CILP: variants seen among roughly 807,000 people sequenced by gnomAD.
The protein encoded by CILP is cartilage intermediate layer protein, also known as cartilage intermediate layer protein 1.
In CILP, 75 loss-of-function variants were observed where a neutral mutation model predicts 82.5. The observed-to-expected ratio is 0.91, with a 90% confidence interval of 0.75 to 1.10. The LOEUF (loss-of-function observed/expected upper bound fraction) is 1.10. CILP is among the 50% of genes least tolerant of loss of function. The pLI is 0.00. For synonymous variants in CILP, 530 were observed against 580.3 expected, an observed-to-expected ratio of 0.91 and a Z score of 1.25; for missense variants, 1,479 against 1,530.8, an observed-to-expected ratio of 0.97 and a Z score of 0.56.
chr15:65,198,760 T>A lies in CILP; in HGVS notation c.1526A>T (p.His509Leu), dbSNP rs2088413289. Residue 509 changes from histidine (H) to leucine (L), a missense_variant, in exon 9 of 9, where the codon CAT (histidine) becomes CTT (leucine). Physicochemically the swap from His to Leu is moderately conservative, Grantham distance 99. Transcript: ENST00000261883. ...ADNGEPMRFG[H>L]VYMGNSRVSM... The stretch of plus-strand genomic sequence containing the variant: ...TACACGGCTGTTCCCCATGTACACA[T>A]GGCCAAAGCGCATGGGCTCCCCATT... 5.0e-6 allele frequency: 8 copies of A among 1,614,072 alleles called. No homozygotes were observed. The highest frequency in any genetic ancestry group is 1.3e-5 in the African/African-American group (1 of 74,924).
Position 65,204,413 on chromosome 15 carries a change from ACTGT to A in CILP, c.770_773del (p.Asp257ValfsTer18), listed in dbSNP as rs761152458. On this transcript the variant is annotated frameshift_variant, in exon 6 of 9. Transcript: ENST00000261883. LOFTEE classifies it high-confidence loss of function. Reference sequence around the variant, plus strand: ...AGCCAGGGATTCGGAATCTCCCATCACTGTCTGTCTGGGTCAGCAGCTTCGGCGT... The same window carrying A: ...AGCCAGGGATTCGGAATCTCCCATCACTGTCTGGGTCAGCAGCTTCGGCGT... The A allele has an allele frequency of 3.1e-6, 5 of 1,614,000 alleles. No homozygotes were observed. The highest frequency in any genetic ancestry group is 1.7e-5 in the Admixed American group (1 of 59,986).
Position 65,204,421 on chromosome 15 carries a change from T to C in CILP, c.766A>G (p.Thr256Ala). The change falls in exon 6 of 9, where the codon ACA becomes GCA. Residue 256 changes from threonine (T) to alanine (A), a missense_variant. Transcript: ENST00000261883. ...ATTCGGAATCTCCCATCACTGTCTG[T>C]CTGGGTCAGCAGCTTCGGCGTCTTG... ...LTKTPKLLTQ[T>A]DSDGRFRIPG... is the part of the protein sequence containing the mutation. The C allele has an allele frequency of 6.2e-7, 1 of 1,614,164 alleles. No individual in the cohort carries two copies. Among genetic ancestry groups the C allele is most frequent in the Non-Finnish European group, 8.5e-7 (1 of 1,180,022 alleles).
In CILP at chr15:65,205,586, T is replaced by A. The variant is rs149987880; in HGVS notation, c.425-120A>T. On this transcript the variant is annotated intron_variant, in intron 4 of 8. Coordinates refer to ENST00000261883, the MANE Select transcript of CILP (RefSeq NM_003613.4). ...AAGGTTTCCATTTATGTCGTAGATGTCACTGATATTTATATTTACTGCAGT... is the reference window on the plus strand; with the variant it reads ...AAGGTTTCCATTTATGTCGTAGATGACACTGATATTTATATTTACTGCAGT... The A allele has an allele frequency of 9.7e-5, 95 of 978,804 alleles. No individual in the cohort carries two copies. The African/African-American group carries it at 1.5e-3, about 15-fold the overall frequency. 60.6% of individuals were successfully genotyped at this position (978,804 alleles called of 1,614,324 possible). A position where few individuals can be genotyped will look rare whatever the true frequency, so the allele number is the denominator to read the frequency against.
intron 7 of CILP, among the ~76,000 whole-genome samples, chr15:65,203,125 C>T (rs576623340): frequency 6.6e-6 from 1 of 152,314 alleles, no homozygotes; most frequent in South Asian, 2.1e-4. Flanking sequence ...GCGTGAGCTA[C>T]TGTGCCCGGC....
At chr15:65,210,857 CAG>C (rs1225072434) in intron 1 of CILP, among the ~76,000 whole-genome samples, 1 of 152,198 alleles carries the variant, frequency 6.6e-6, no homozygotes, top group Non-Finnish European at 1.5e-5. Flanking sequence ...GATGAGGGAG[CAG>C]AGTCACCAGG....
At chr15:65,206,072 A>C (rs2088514785) in intron 4 of CILP, among the ~76,000 whole-genome samples, 1 of 152,154 alleles carries the variant, frequency 6.6e-6, no homozygotes. Flanking sequence ...TAACATCTGT[A>C]TTATCCATGG....
At position 65,201,967 on chromosome 15, in the gene CILP, C is replaced by G. The variant is rs375170690; in HGVS notation, c.1091G>C (p.Arg364Thr). 1.9e-6 allele frequency: 3 copies of G among 1,606,688 alleles called. No individual in the cohort carries two copies. The highest frequency in any genetic ancestry group is 2.5e-6 in the Non-Finnish European group (3 of 1,176,952). ...LYKHESKLVLRKLQQHQAGEY... is the reference protein window; with the variant it reads ...LYKHESKLVLTKLQQHQAGEY... The stretch of plus-strand genomic sequence containing the variant: ...CCCAGCCTGGTGCTGCTGCAGTTTC[C>G]TCAGCACCAGCTTGCTCTCATGCTT... The change falls in exon 8 of 9, where the codon AGG (arginine) becomes ACG (threonine). Residue 364 changes from arginine to threonine, a missense_variant. Physicochemically the swap from Arg to Thr is moderately conservative, Grantham distance 71. Transcript: ENST00000261883.
rs1001759106 is a variant in CILP, at chr15:65,197,364, C to T, written c.2922G>A (p.Gly974=). 4 of 1,614,114 alleles carry T rather than the reference C, an allele frequency of 2.5e-6. No homozygotes were observed. The highest frequency in any genetic ancestry group is 2.7e-5 in the African/African-American group (2 of 74,944). ...TCCCCACTGTCTGCCGATGAGTGCC[C>T]CCCATGTTGCGGGATCGCACATTCA... The part of the protein sequence containing the change: ...LEVNVRSRNM[G]GTHRQTVGKL... Residue 974 remains glycine, a synonymous_variant, in exon 9 of 9, where the codon GGG becomes GGA. Coordinates refer to ENST00000261883, the MANE Select transcript of CILP (RefSeq NM_003613.4).
Position 65,204,256 on chromosome 15 carries a change from G to T in CILP, c.919+12C>A, listed in dbSNP as rs1595959400. 6.2e-7 allele frequency: 1 copy of T among 1,610,802 alleles called. No individual in the cohort carries two copies. Among genetic ancestry groups the T allele is most frequent in the Non-Finnish European group, 8.5e-7 (1 of 1,178,940 alleles). Reference sequence around the variant, plus strand: ...ACCTTCTCACCAGCCCTACCCCAAAGAATTTAGTTACCTGCCCTCACAAAC... The same window carrying T: ...ACCTTCTCACCAGCCCTACCCCAAATAATTTAGTTACCTGCCCTCACAAAC... On this transcript the variant is annotated intron_variant, in intron 6 of 8. Coordinates refer to ENST00000261883, the MANE Select transcript of CILP (RefSeq NM_003613.4).
rs201186001 is a variant in CILP, at chr15:65,198,209, T to G, written c.2077A>C (p.Ile693Leu). 1.1e-5 allele frequency: 18 copies of G among 1,614,152 alleles called. No homozygotes were observed. Among genetic ancestry groups the G allele is most frequent in the Non-Finnish European group, 1.4e-5 (17 of 1,180,054 alleles). ...AGTGACCAGAGTTTCACTGTGGATA[T>G]GTGCTCTGGCATCTTGACCTGGGTC... ...DSTQVKMPEH[I>L]STVKLWSLNP... Residue 693 changes from isoleucine (I) to leucine (L), a missense_variant, in exon 9 of 9, where the codon ATA becomes CTA. By Grantham distance (5) the Ile-to-Leu change is conservative. Transcript: ENST00000261883.
At chr15:65,202,442 T>C (rs1007236351) in intron 7 of CILP, among the ~76,000 whole-genome samples, 44 of 152,128 alleles carry the variant, frequency 2.9e-4, no homozygotes, top group African/African-American at 1.0e-3. Context: ...TTTTTTTTTT[T>C]CCTGAGATGG....
chr15:65,206,680 T>G, intron 4 of CILP, 102 bp downstream of exon 4: 1 of 1,262,882 alleles, frequency 7.9e-7, no homozygotes, highest in Non-Finnish European at 1.1e-6. Context: ...CATACGCATG[T>G]GTGTGATGCT....
intron 6 of CILP, among the ~76,000 whole-genome samples, chr15:65,203,733 C>T (rs2088485938): frequency 6.6e-6 from 1 of 152,164 alleles, no homozygotes; most frequent in South Asian, 2.1e-4. Context: ...CTTGTGTCAG[C>T]CAAGATTCCA....
rs751671698 is a variant in CILP at position 65,197,462 on chromosome 15, G to A, written c.2824C>T (p.Leu942=). The change falls in exon 9 of 9, where the codon CTG becomes TTG. Residue 942 remains leucine, a synonymous_variant. Transcript: ENST00000261883. ...DDPMSWTEDY[L]AWWPKPMEFR... is the part of the protein sequence containing the mutation. ...TCCATCGGCTTTGGCCACCATGCCA[G>A]ATAGTCTTCAGTCCAGCTCATAGGG... The A allele has an allele frequency of 1.9e-6, 3 of 1,614,138 alleles. No individual in the cohort carries two copies. Among genetic ancestry groups the A allele is most frequent in the Admixed American group, 1.7e-5 (1 of 60,006 alleles).
rs531419311 is a variant in CILP, at chr15:65,204,258, A to G, written c.919+10T>C. ...CTTCTCACCAGCCCTACCCCAAAGA[A>G]TTTAGTTACCTGCCCTCACAAACTC... On this transcript the variant is annotated intron_variant, in intron 6 of 8. Coordinates refer to ENST00000261883, the MANE Select transcript of CILP (RefSeq NM_003613.4). 3 of 1,611,372 alleles carry G rather than the reference A, an allele frequency of 1.9e-6. No homozygotes were observed. The highest frequency in any genetic ancestry group is 3.4e-5 in the Admixed American group (2 of 59,072).
At chr15:65,210,548 G>A (rs1208777123) in intron 1 of CILP, among the ~76,000 whole-genome samples, 1 of 152,216 alleles carries the variant, frequency 6.6e-6, no homozygotes, top group Non-Finnish European at 1.5e-5. Flanking sequence ...GAGGAAAGCA[G>A]GCCTGGGACA....
Position 65,197,402 on chromosome 15 carries a change from C to A in CILP, c.2884G>T (p.Gly962Trp). 6.2e-7 allele frequency: 1 copy of A among 1,614,252 alleles called. No individual in the cohort carries two copies. The highest frequency in any genetic ancestry group is 8.5e-7 in the Non-Finnish European group (1 of 1,180,050). The change falls in exon 9 of 9, where the codon GGG (glycine) becomes TGG (tryptophan). Residue 962 changes from glycine to tryptophan, a missense_variant. By Grantham distance (184) the Gly-to-Trp change is radical (BLOSUM62 -2). Transcript: ENST00000261883. The part of the protein sequence containing the change: ...RACYIKVKIV[G>W]PLEVNVRSRN... ...GATCGCACATTCACTTCCAGTGGCC[C>A]CACAATCTTCACCTTGATATAGCAG...
At chr15:65,209,000 G>A (rs1222995216) in intron 2 of CILP, among the ~76,000 whole-genome samples, 1 of 135,774 alleles carries the variant, frequency 7.4e-6, no homozygotes, top group Non-Finnish European at 1.6e-5. Context: ...AGCTTTAAAG[G>A]AGGGTTTTGA....
At position 65,198,782 on chromosome 15, in the gene CILP, C is replaced by T; in HGVS notation, c.1504G>A (p.Gly502Arg). 2 of 1,614,206 alleles carry T rather than the reference C, an allele frequency of 1.2e-6. No homozygotes were observed. Among genetic ancestry groups the T allele is most frequent in the Non-Finnish European group, 8.5e-7 (1 of 1,180,044 alleles). ...ACATGGCCAAAGCGCATGGGCTCCC[C>T]ATTGTCAGCAGCACTGACACGGCCC... ...VRGRVSAADN[G>R]EPMRFGHVYM... Residue 502 changes from glycine (G) to arginine (R), a missense_variant, in exon 9 of 9, where the codon GGG becomes AGG. Transcript: ENST00000261883.
Sources: gnomAD v4.1 joint callset for allele counts (sites outside exome capture counted in the v4.1 genomes callset) on GRCh38, gnomAD v4.1.1 for gene constraint, MANE v1.5 for transcripts, NCBI Gene and HGNC (gene_info 2026-07-23, HGNC 2026-07-21) for gene names.